The following SBNO1 variants were observed in gnomAD, a reference collection of about 807,000 sequenced individuals.
The protein encoded by SBNO1 is strawberry notch homolog 1, also known as protein strawberry notch homolog 1.
A neutral mutation model predicts 173.6 loss-of-function variants in SBNO1; 23 were observed. The observed-to-expected ratio is 0.13, with a 90% CI of 0.10 to 0.19. The LOEUF (loss-of-function observed/expected upper bound fraction) is 0.19, where lower values mean the gene tolerates loss of function less well. SBNO1 is among the 10% of genes least tolerant of loss of function. The probability of loss-of-function intolerance (pLI) is 1.00; values close to 1 mark genes in which losing one functional copy is unlikely to be tolerated. For synonymous variants in SBNO1, 632 were observed against 571.5 expected (o/e 1.11, Z -1.51); for missense variants, 1,238 against 1,671.2 (o/e 0.74, Z 4.52).
At chr12:123,310,878 C>T (rs1868402968) in intron 25 of SBNO1, among the ~76,000 whole-genome samples, 177 bp downstream of exon 25, 1 of 152,114 alleles carries the variant, frequency 6.6e-6, no homozygotes, top group Non-Finnish European at 1.5e-5. Flanking sequence ...ATATCAGCAG[C>T]CAGTGCTGAA....
chr12:123,362,530 CAG>C (rs940469897), intron 1 of SBNO1, among the ~76,000 whole-genome samples: 7 of 144,544 alleles, frequency 4.8e-5, no homozygotes, highest in African/African-American at 1.8e-4. Context: ...CTCCGGGAGA[CAG>C]AGGTGAGTGG....
At chr12:123,345,081 C>T (rs765050668) in intron 4 of SBNO1, among the ~76,000 whole-genome samples, 177 bp downstream of exon 4, 1 of 152,184 alleles carries the variant, frequency 6.6e-6, no homozygotes, top group Non-Finnish European at 1.5e-5. Flanking sequence ...ACAACCTACC[C>T]AAGGCATCTA....
intron 28 of SBNO1, among the ~76,000 whole-genome samples, chr12:123,305,000 A>G (rs985461678): frequency 6.6e-6 from 1 of 152,174 alleles, no homozygotes; most frequent in African/African-American, 2.4e-5. Flanking sequence ...TGTCCAACAC[A>G]GATCATTTTG....
intron 24 of SBNO1, among the ~76,000 whole-genome samples, chr12:123,311,720 C>CTATCTATATATATATATA (rs1224940028): frequency 3.9e-5 from 5 of 127,434 alleles, no homozygotes; most frequent in African/African-American, 1.6e-4. Context: ...ATCTATCTAT[C>CTATCTATATATATATATA]TATATATATA....
chr12:123,355,480 T>G (rs1047378100), intron 1 of SBNO1, among the ~76,000 whole-genome samples: 1 of 152,044 alleles, frequency 6.6e-6, no homozygotes, highest in Non-Finnish European at 1.5e-5. Flanking sequence ...GGCGGGCGCC[T>G]GTAATCCCAG....
intron 7 of SBNO1, among the ~76,000 whole-genome samples, 193 bp from the exon 8 acceptor site, chr12:123,331,568 T>C (rs985546669): frequency 6.0e-4 from 91 of 152,164 alleles, no homozygotes; most frequent in Admixed American, 3.1e-3. Flanking sequence ...GTCGCCCAGG[T>C]TGGAGTGCAG....
chr12:123,356,369 A>T (rs1189335604), intron 1 of SBNO1, among the ~76,000 whole-genome samples: 1 of 152,224 alleles, frequency 6.6e-6, no homozygotes, highest in African/African-American at 2.4e-5. Context: ...CTGATTCAGC[A>T]CTTTATTCCC....
Position 123,320,585 on chromosome 12 carries a change from G to A in SBNO1, c.2514C>T (p.Asn838=), listed in dbSNP as rs1417962930. 3.1e-6 allele frequency: 5 copies of A among 1,613,456 alleles called. No homozygotes were observed. Among genetic ancestry groups the A allele is most frequent in the African/African-American group, 1.3e-5 (1 of 74,890 alleles). Residue 838 remains asparagine, a synonymous_variant, in exon 19 of 32, where the codon AAC becomes AAT. Coordinates refer to ENST00000602398, the MANE Select transcript of SBNO1 (RefSeq NM_001167856.3). ...CATCCTGACTTGTTATAAGGCTACT[G>A]TTACTGTTGGTGTTACTGTTAGCTA... ...STPANSNTNS[N]SSLITSQDAV...
chr12:123,340,703 T>C (rs1872453097), intron 5 of SBNO1, among the ~76,000 whole-genome samples: 1 of 152,278 alleles, frequency 6.6e-6, no homozygotes, highest in South Asian at 2.1e-4. Flanking sequence ...CAAATACTTT[T>C]CGTTAACCCC....
chr12:123,297,185 A>T (rs981687014), intron 31 of SBNO1, among the ~76,000 whole-genome samples: 4 of 150,380 alleles, frequency 2.7e-5, no homozygotes, highest in African/African-American at 4.9e-5. Context: ...CATGGTGAAA[A>T]CCCATCTCCA....
intron 1 of SBNO1, among the ~76,000 whole-genome samples, chr12:123,363,246 T>G (rs548028979): frequency 6.6e-6 from 1 of 152,326 alleles, no homozygotes; most frequent in African/African-American, 2.4e-5. Flanking sequence ...GTTCCCTTGC[T>G]TGCAAAATTA....
chr12:123,353,359 A>G (rs1182304489), intron 1 of SBNO1, among the ~76,000 whole-genome samples: 1 of 152,198 alleles, frequency 6.6e-6, no homozygotes, highest in Non-Finnish European at 1.5e-5. Context: ...TAGAAACTAG[A>G]TAGTTCAAAC....
intron 25 of SBNO1, 43 bp from the exon 26 acceptor site, chr12:123,309,899 A>G: frequency 7.6e-7 from 1 of 1,307,472 alleles, no homozygotes; most frequent in Non-Finnish European, 1.0e-6. Context: ...AATGATAATT[A>G]AAAATTTTTT....
At chr12:123,347,077 CA>C (rs397957462) in intron 3 of SBNO1, among the ~76,000 whole-genome samples, 113 of 109,646 alleles carry the variant, frequency 1.0e-3, no homozygotes, top group African/African-American at 2.9e-3. Flanking sequence ...GTCTCCGTCT[CA>C]AAAAAAAAAA....
intron 1 of SBNO1, among the ~76,000 whole-genome samples, chr12:123,363,394 C>T (rs1875625578): frequency 6.6e-6 from 1 of 152,174 alleles, no homozygotes; most frequent in African/African-American, 2.4e-5. Flanking sequence ...TGTCAGCTCG[C>T]AGAATTATCT....
At chr12:123,346,772 C>A (rs1049110911) in intron 3 of SBNO1, among the ~76,000 whole-genome samples, 3 of 151,820 alleles carry the variant, frequency 2.0e-5, no homozygotes, top group Non-Finnish European at 4.4e-5. Flanking sequence ...ACGTACAAAT[C>A]TGTTTTTAAA....
chr12:123,361,730 A>T (rs1367637136), intron 1 of SBNO1, among the ~76,000 whole-genome samples: 1 of 796 alleles, frequency 1.3e-3, no homozygotes, highest in African/African-American at 4.6e-3. Context: ...AAGACAGTCT[A>T]AAAAAAAAAA....
At chr12:123,308,433 G>A (rs2048974890) in intron 28 of SBNO1, among the ~76,000 whole-genome samples, 1 of 152,146 alleles carries the variant, frequency 6.6e-6, no homozygotes, top group African/African-American at 2.4e-5. Context: ...CACTTTGGGA[G>A]GCCAAGGCGG....
chr12:123,335,967 G>T (rs1420257491), intron 6 of SBNO1, among the ~76,000 whole-genome samples: 1 of 152,038 alleles, frequency 6.6e-6, no homozygotes, highest in Non-Finnish European at 1.5e-5. Flanking sequence ...CTACATGAAA[G>T]ACAAATTCTA....
Sources: gnomAD v4.1 joint callset for allele counts (sites outside exome capture counted in the v4.1 genomes callset) on GRCh38, gnomAD v4.1.1 for gene constraint, MANE v1.5 for transcripts, NCBI Gene and HGNC (gene_info 2026-07-23, HGNC 2026-07-21) for gene names.